Variants in HS1BP3 observed in about 807,000 individuals in gnomAD.
The protein encoded by HS1BP3 is HCLS1-binding protein 3.
A neutral mutation model predicts 33.5 loss-of-function variants in HS1BP3; 32 were observed. The ratio of observed to expected loss-of-function variants is 0.95; its 90% CI spans 0.72 to 1.28. The LOEUF is 1.28. Among genes scored for constraint, HS1BP3 ranks in the 50% most tolerant of loss-of-function variants. The probability of loss-of-function intolerance (pLI) is 0.00; values close to 1 mark genes in which losing one functional copy is unlikely to be tolerated. For missense variants in HS1BP3, 486 were observed against 502.3 expected (o/e 0.97, Z 0.31); for synonymous variants, 187 against 209.2 (o/e 0.89, Z 0.92).
chr2:20,609,320 G>A (rs13384287), intron 2 of HS1BP3, among the ~76,000 whole-genome samples: 2,218 of 152,302 alleles, frequency 0.015, 58 homozygotes, highest in African/African-American at 0.051. Context: ...AAAGGACCAT[G>A]CACTCCCCAA....
At chr2:20,640,848 C>T in intron 3 of HS1BP3, 125 bp downstream of exon 3, 3 of 938,226 alleles carry the variant, frequency 3.2e-6, no homozygotes, top group East Asian at 2.4e-5. Context: ...CCACCTGCCT[C>T]ACCAGCCTGG....
downstream of HS1BP3, chr2:20,590,631 C>CGT (rs1425281224): frequency 2.0e-5 from 3 of 152,454 alleles, no homozygotes; most frequent in Non-Finnish European, 4.4e-5. Flanking sequence ...CAGAGCTGGA[C>CGT]GTGTGGGCTG....
chr2:20,564,037 G>A (rs969804301), intron 5 of HS1BP3, among the ~76,000 whole-genome samples: 1 of 152,204 alleles, frequency 6.6e-6, no homozygotes, highest in Non-Finnish European at 1.5e-5. Context: ...ACGGGAATAG[G>A]AAAAGGAGGG....
intron 5 of HS1BP3, among the ~76,000 whole-genome samples, chr2:20,575,648 C>G (rs899685589): frequency 6.6e-6 from 1 of 152,222 alleles, no homozygotes; most frequent in African/African-American, 2.4e-5. Context: ...GCCTCCTCCC[C>G]TCTCCAGGTT....
intron 4 of HS1BP3, among the ~76,000 whole-genome samples, chr2:20,629,961 G>A (rs557952334): frequency 2.3e-4 from 35 of 152,338 alleles, no homozygotes; most frequent in African/African-American, 8.2e-4. Context: ...GGGGGCCTGT[G>A]GCACCATTCC....
At chr2:20,567,434 G>A (rs1229115019) in intron 5 of HS1BP3, among the ~76,000 whole-genome samples, 1 of 152,174 alleles carries the variant, frequency 6.6e-6, no homozygotes, top group Non-Finnish European at 1.5e-5. Flanking sequence ...CCACAGGAGG[G>A]CCCGGCCCCA....
At chr2:20,579,702 A>G (rs912948398) in intron 5 of HS1BP3, among the ~76,000 whole-genome samples, 1 of 152,168 alleles carries the variant, frequency 6.6e-6, no homozygotes, top group African/African-American at 2.4e-5. Flanking sequence ...CCTACCCACA[A>G]GTCCCACGGG....
At chr2:20,579,397 G>A (rs1284688982) in intron 5 of HS1BP3, among the ~76,000 whole-genome samples, 3 of 152,250 alleles carry the variant, frequency 2.0e-5, no homozygotes, top group East Asian at 3.8e-4. Context: ...GATCCAGCCT[G>A]ATGAGATCAT....
At chr2:20,608,629 C>T (rs1336923098) in intron 2 of HS1BP3, among the ~76,000 whole-genome samples, 1 of 150,852 alleles carries the variant, frequency 6.6e-6, no homozygotes, top group East Asian at 1.9e-4. Flanking sequence ...TGTCTTGTTC[C>T]TGATCTTCGG....
Position 20,623,760 on chromosome 2 carries a change from C to T in HS1BP3, c.920+136G>A, listed in dbSNP as rs1393913110. ...CCGCCTCTCACCCAATGTGCACCCA[C>T]AGGCTTCTACTTTTCACAGGCCTGG... On this transcript the variant is annotated intron_variant, in intron 6 of 6. Coordinates refer to ENST00000304031, the MANE Select transcript of HS1BP3 (RefSeq NM_022460.4). 5 of 1,016,286 alleles carry T rather than the reference C, an allele frequency of 4.9e-6. No homozygotes were observed. In the African/African-American group the frequency reaches 8.2e-5, roughly 17 times the overall value. The allele number at this position is 1,016,286 out of a possible 1,614,324, so 63.0% of individuals were successfully genotyped here.
chr2:20,575,771 C>A (rs989156933), intron 5 of HS1BP3, among the ~76,000 whole-genome samples: 2 of 128,788 alleles, frequency 1.6e-5, no homozygotes, highest in African/African-American at 5.4e-5. Flanking sequence ...CCCCCCCCCC[C>A]CCCTTCAGGC....
In HS1BP3 at chr2:20,619,023, G is replaced by A. The variant is rs146436769; in HGVS notation, c.1143C>T (p.His381=). ...TGGGGGCGGCCTGGGCTGGTGTATC[G>A]TGGTCCTGGATGTACTGCAAGATGT... ...EMDILQYIQD[H]DTPAQAAPSL... Residue 381 remains histidine, a synonymous_variant, in exon 7 of 7, where the codon CAC becomes CAT. Transcript: ENST00000304031. The A allele has an allele frequency of 4.7e-4, 752 of 1,614,028 alleles. No individual in the cohort carries two copies. Among genetic ancestry groups the A allele is most frequent in the Non-Finnish European group, 5.9e-4 (696 of 1,180,016 alleles).
At chr2:20,569,279 C>T (rs1255899116) in intron 5 of HS1BP3, among the ~76,000 whole-genome samples, 1 of 152,188 alleles carries the variant, frequency 6.6e-6, no homozygotes, top group Non-Finnish European at 1.5e-5. Context: ...TCGCAGACTT[C>T]CACCTTCAGA....
intron 3 of HS1BP3, among the ~76,000 whole-genome samples, chr2:20,596,982 G>A (rs572789478): frequency 1.7e-4 from 26 of 152,314 alleles, no homozygotes; most frequent in African/African-American, 6.0e-4. Flanking sequence ...TTAGGATCCA[G>A]CCATGGTTCC....
intron 2 of HS1BP3, among the ~76,000 whole-genome samples, chr2:20,602,940 A>G (rs1228351582): frequency 2.0e-5 from 3 of 152,262 alleles, no homozygotes; most frequent in Non-Finnish European, 4.4e-5. Context: ...ATTTCTCCAA[A>G]CAAGATATAC....
At chr2:20,634,358 T>G (rs529042622) in intron 4 of HS1BP3, among the ~76,000 whole-genome samples, 1 of 152,360 alleles carries the variant, frequency 6.6e-6, no homozygotes, top group South Asian at 2.1e-4. Context: ...TACCCAGATC[T>G]GAGGGGGGCC....
intron 3 of HS1BP3, chr2:20,640,001 T>C (rs534146377): frequency 6.6e-6 from 1 of 152,380 alleles, no homozygotes; most frequent in East Asian, 1.9e-4. Context: ...GGCCTGCGCA[T>C]TCACCAGTTT....
At chr2:20,581,899 A>G (rs1290894698) in intron 5 of HS1BP3, among the ~76,000 whole-genome samples, 1 of 152,124 alleles carries the variant, frequency 6.6e-6, no homozygotes, top group East Asian at 1.9e-4. Flanking sequence ...TGTGGCCTTT[A>G]CCAGGTGGGC....
Position 20,628,696 on chromosome 2 carries a change from C to A in HS1BP3, c.624-3804G>T, listed in dbSNP as rs890598070. ...GGTGTTCCGCTCTGTCACGGCAGAG[C>A]ACAGAGGACAGAGCCAACCAAGCCT... On this transcript the variant is annotated intron_variant, in intron 4 of 6. Coordinates refer to ENST00000304031, the MANE Select transcript of HS1BP3 (RefSeq NM_022460.4). Among the ~76,000 whole-genome samples, 4 of 151,536 alleles carry A rather than the reference C, an allele frequency of 2.6e-5. No individual in the cohort carries two copies. The East Asian group carries it at 7.8e-4, about 29-fold the overall frequency.
Sources: allele counts gnomAD v4.1 joint callset (sites outside exome capture counted in the v4.1 genomes callset), GRCh38; gene constraint gnomAD v4.1.1; transcripts MANE v1.5; gene names NCBI Gene and HGNC (gene_info 2026-07-23, HGNC 2026-07-21).